The following PRKD1 variants were observed in gnomAD, a reference collection of about 807,000 sequenced individuals.
PRKD1 encodes serine/threonine-protein kinase D1.
Under a neutral mutation model 95.9 loss-of-function variants are expected in PRKD1, and 63 were observed. The ratio of observed to expected loss-of-function variants is 0.66; its 90% CI spans 0.54 to 0.81. The LOEUF (loss-of-function observed/expected upper bound fraction) is 0.81, where lower values mean the gene tolerates loss of function less well. Ranked by LOEUF, PRKD1 falls within the 30% of genes least tolerant of loss-of-function variation. The pLI is 0.00. For missense variants in PRKD1, 1,048 were observed against 1,165.3 expected, an observed-to-expected ratio of 0.90 and a Z score of 1.47; for synonymous variants, 425 against 423.1, an observed-to-expected ratio of 1.00 and a Z score of -0.05.
chr14:29,913,256 T>C (rs1194510466), intron 1 of PRKD1, among the ~76,000 whole-genome samples: 1 of 152,250 alleles, frequency 6.6e-6, no homozygotes, highest in African/African-American at 2.4e-5. Flanking sequence ...TGACTCTTTC[T>C]ATGAAATGTA....
intron 1 of PRKD1, among the ~76,000 whole-genome samples, chr14:29,816,794 T>C (rs1176889984): frequency 6.6e-6 from 1 of 152,234 alleles, no homozygotes; most frequent in African/African-American, 2.4e-5. Context: ...AAATAATCTA[T>C]TTTATGTGAC....
chr14:29,888,227 C>T (rs1169311548), intron 1 of PRKD1, among the ~76,000 whole-genome samples: 1 of 151,482 alleles, frequency 6.6e-6, no homozygotes, highest in Admixed American at 6.6e-5. Flanking sequence ...TCACTTAAGC[C>T]CAGGAGTGAT....
intron 11 of PRKD1, among the ~76,000 whole-genome samples, chr14:29,627,175 T>C (rs1179076197): frequency 6.6e-6 from 1 of 152,248 alleles, no homozygotes; most frequent in Non-Finnish European, 1.5e-5. Flanking sequence ...AAAAAGATAT[T>C]TGCCTGTTGA....
At chr14:29,738,874 G>C (rs1408758328) in intron 1 of PRKD1, among the ~76,000 whole-genome samples, 2 of 146,874 alleles carry the variant, frequency 1.4e-5, no homozygotes, top group East Asian at 4.0e-4. Flanking sequence ...TGTTGCCCAA[G>C]CTGGAGTGCA....
intron 1 of PRKD1, among the ~76,000 whole-genome samples, chr14:29,861,984 A>C (rs1037242482): frequency 1.3e-5 from 2 of 152,020 alleles, no homozygotes; most frequent in African/African-American, 4.8e-5. Context: ...CATTCTAACT[A>C]TTCTTTTGTA....
intron 2 of PRKD1, among the ~76,000 whole-genome samples, chr14:29,671,279 G>A (rs536763721): frequency 1.3e-5 from 2 of 152,192 alleles, no homozygotes; most frequent in Admixed American, 6.5e-5. Context: ...ACTGCCCAGG[G>A]AACTGTCTGA....
chr14:29,661,892 T>A (rs1882211073), intron 4 of PRKD1, among the ~76,000 whole-genome samples: 1 of 152,204 alleles, frequency 6.6e-6, no homozygotes. Context: ...AGTCTAATTT[T>A]AAAAATGTGT....
chr14:29,925,415 C>T (rs145439591), intron 1 of PRKD1, among the ~76,000 whole-genome samples: 2 of 152,278 alleles, frequency 1.3e-5, no homozygotes, highest in Non-Finnish European at 2.9e-5. Flanking sequence ...TAATTCAAGG[C>T]CTTTTCATAA....
intron 1 of PRKD1, among the ~76,000 whole-genome samples, chr14:29,917,610 C>A (rs1894935652): frequency 6.6e-6 from 1 of 152,072 alleles, no homozygotes; most frequent in African/African-American, 2.4e-5. Flanking sequence ...TATTCAGATT[C>A]TTTTTATTCT....
chr14:29,903,245 T>C (rs1380193792), intron 1 of PRKD1, among the ~76,000 whole-genome samples: 4 of 152,222 alleles, frequency 2.6e-5, no homozygotes, highest in Admixed American at 6.5e-5. Flanking sequence ...CACAGGAGCA[T>C]ACTATCCAAC....
intron 1 of PRKD1, among the ~76,000 whole-genome samples, chr14:29,844,368 T>C (rs972032659): frequency 1.3e-5 from 2 of 152,136 alleles, no homozygotes; most frequent in Non-Finnish European, 2.9e-5. Context: ...AGAAAAATAT[T>C]GCTAGGATAG....
chr14:29,726,162 C>G (rs1444522789), intron 1 of PRKD1, among the ~76,000 whole-genome samples: 5 of 152,046 alleles, frequency 3.3e-5, no homozygotes, highest in African/African-American at 1.2e-4. Context: ...TAAACATATT[C>G]TGTATGTGAG....
At chr14:29,635,411 G>A (rs996545903) in intron 7 of PRKD1, among the ~76,000 whole-genome samples, 1 of 152,050 alleles carries the variant, frequency 6.6e-6, no homozygotes, top group East Asian at 1.9e-4. Flanking sequence ...CTAAAGAAGT[G>A]TATGTCTTCA....
chr14:29,853,524 T>C (rs1181050716), intron 1 of PRKD1, among the ~76,000 whole-genome samples: 1 of 152,196 alleles, frequency 6.6e-6, no homozygotes, highest in Non-Finnish European at 1.5e-5. Context: ...TATCAAAGCT[T>C]ATATTTCTAG....
chr14:29,636,528 T>C, intron 6 of PRKD1, 34 bp from the exon 7 acceptor site: 2 of 1,608,402 alleles, frequency 1.2e-6, no homozygotes, highest in Non-Finnish European at 1.7e-6. Context: ...AAGATAAGCC[T>C]GGAATCTTGG....
intron 1 of PRKD1, among the ~76,000 whole-genome samples, chr14:29,848,242 G>C (rs1360092839): frequency 2.0e-5 from 3 of 151,960 alleles, no homozygotes; most frequent in African/African-American, 7.3e-5. Flanking sequence ...GCTGATTGCT[G>C]CTTCTGATCA....
intron 2 of PRKD1, among the ~76,000 whole-genome samples, chr14:29,677,389 T>C (rs1883292754): frequency 1.3e-5 from 2 of 152,186 alleles, no homozygotes. Context: ...TGGAGAACAA[T>C]TTAGATCAAT....
chr14:29,754,073 T>A (rs1225337649), intron 1 of PRKD1, among the ~76,000 whole-genome samples: 3 of 152,182 alleles, frequency 2.0e-5, no homozygotes, highest in Non-Finnish European at 4.4e-5. Flanking sequence ...AATACAAAAC[T>A]CTTTGCCAAC....
chr14:29,883,774 T>C (rs76940721), intron 1 of PRKD1, among the ~76,000 whole-genome samples: 19,726 of 152,142 alleles, frequency 0.13, 1,481 homozygotes, highest in Non-Finnish European at 0.16. Flanking sequence ...ACCCCCAAGA[T>C]TGGAAACAAA....
Sources: gnomAD v4.1 joint callset for allele counts (sites outside exome capture counted in the v4.1 genomes callset) on GRCh38, gnomAD v4.1.1 for gene constraint, MANE v1.5 for transcripts, NCBI Gene and HGNC (gene_info 2026-07-23, HGNC 2026-07-21) for gene names.